The following ARHGAP42 variants were observed in gnomAD, a reference collection of about 807,000 sequenced individuals.
ARHGAP42 encodes Rho GTPase activating protein 42.
In ARHGAP42, 63 loss-of-function variants were observed where a neutral mutation model predicts 125.0. That is an observed-to-expected ratio of 0.50 (90% confidence interval 0.41 to 0.62). The LOEUF is 0.62. Ranked by LOEUF, ARHGAP42 falls within the 20% of genes least tolerant of loss-of-function variation. ARHGAP42 has a pLI of 0.00. For missense variants in ARHGAP42, 766 were observed against 1,024.2 expected, an observed-to-expected ratio of 0.75 and a Z score of 3.44; for synonymous variants, 339 against 351.0, an observed-to-expected ratio of 0.97 and a Z score of 0.38.
intron 1 of ARHGAP42, among the ~76,000 whole-genome samples, chr11:100,700,118 T>G (rs1019331507): frequency 6.6e-6 from 1 of 152,198 alleles, no homozygotes; most frequent in Non-Finnish European, 1.5e-5. Context: ...GTCATGTAAA[T>G]TTTTTGGTTT....
chr11:100,806,837 G>A (rs71476651), intron 3 of ARHGAP42, among the ~76,000 whole-genome samples: 39,064 of 149,124 alleles, frequency 0.26, 5,341 homozygotes, highest in African/African-American at 0.36. Flanking sequence ...TTGTTTGTTT[G>A]TTTATTTATT....
At position 100,989,272 on chromosome 11, in the gene ARHGAP42, A is replaced by T; in HGVS notation, c.*471A>T. 2.5e-6 allele frequency: 1 copy of T among 395,882 alleles called. No homozygotes were observed. The highest frequency in any genetic ancestry group is 4.4e-6 in the Non-Finnish European group (1 of 224,856). The allele number at this position is 395,882 out of a possible 1,614,324, so 24.5% of individuals were successfully genotyped here. Reference sequence around the variant, plus strand: ...TTTTTCTTAGAAATATACTGCTTTTATATATGATTGTTTTGCTGGTCCTAA... The same window carrying T: ...TTTTTCTTAGAAATATACTGCTTTTTTATATGATTGTTTTGCTGGTCCTAA... On this transcript the variant is annotated 3_prime_UTR_variant, in exon 24 of 24. Coordinates refer to ENST00000298815, the MANE Select transcript of ARHGAP42 (RefSeq NM_152432.4).
intron 4 of ARHGAP42, among the ~76,000 whole-genome samples, chr11:100,897,342 T>C (rs1316331182): frequency 6.6e-6 from 1 of 152,218 alleles, no homozygotes; most frequent in Non-Finnish European, 1.5e-5. Context: ...TGGTTCCATA[T>C]GAACTTTAAA....
chr11:100,981,513 A>T (rs1345731945), intron 22 of ARHGAP42, among the ~76,000 whole-genome samples: 1 of 152,220 alleles, frequency 6.6e-6, no homozygotes, highest in Non-Finnish European at 1.5e-5. Context: ...AGGCAGTAGG[A>T]AGACTAGCCA....
At chr11:100,932,312 A>G (rs73580117) in intron 6 of ARHGAP42, among the ~76,000 whole-genome samples, 2,335 of 152,306 alleles carry the variant, frequency 0.015, 62 homozygotes, top group African/African-American at 0.052. Flanking sequence ...TGACTTTTCA[A>G]AAATGTTTTC....
intron 3 of ARHGAP42, among the ~76,000 whole-genome samples, chr11:100,832,032 C>T (rs932252614): frequency 9.2e-5 from 14 of 152,328 alleles, no homozygotes; most frequent in Non-Finnish European, 1.8e-4. Flanking sequence ...GGGTCTGTTT[C>T]CCCTTGTGCA....
intron 1 of ARHGAP42, among the ~76,000 whole-genome samples, chr11:100,744,083 G>A (rs1013401523): frequency 2.0e-5 from 3 of 152,138 alleles, no homozygotes; most frequent in Admixed American, 1.3e-4. Context: ...TGATTCTCCT[G>A]CCTCAGCCTC....
At chr11:100,879,083 A>G (rs186502214) in intron 4 of ARHGAP42, among the ~76,000 whole-genome samples, 3 of 152,270 alleles carry the variant, frequency 2.0e-5, no homozygotes, top group African/African-American at 7.2e-5. Context: ...GCCTCAAAAA[A>G]ATATGGTCTG....
chr11:100,931,990 G>A (rs1591303821), intron 6 of ARHGAP42, among the ~76,000 whole-genome samples: 2 of 152,128 alleles, frequency 1.3e-5, no homozygotes, highest in African/African-American at 4.8e-5. Context: ...ATAATATCAG[G>A]ACTGTTTGAA....
At chr11:100,702,892 C>T (rs922857239) in intron 1 of ARHGAP42, among the ~76,000 whole-genome samples, 6 of 151,954 alleles carry the variant, frequency 3.9e-5, no homozygotes, top group African/African-American at 1.5e-4. Flanking sequence ...GAACTCCTGA[C>T]CTCAGGTGAT....
chr11:100,727,857 G>A (rs778118847), intron 1 of ARHGAP42, among the ~76,000 whole-genome samples: 4 of 152,152 alleles, frequency 2.6e-5, no homozygotes, highest in Non-Finnish European at 4.4e-5. Context: ...ATGGTTTGTG[G>A]GAACCTCTGA....
intron 13 of ARHGAP42, 54 bp from the exon 14 acceptor site, chr11:100,960,861 G>C: frequency 8.2e-7 from 1 of 1,222,418 alleles, no homozygotes; most frequent in Non-Finnish European, 1.1e-6. Context: ...TTAACATTCT[G>C]TACTTGCCAA....
Position 100,961,759 on chromosome 11 carries a change from A to G in ARHGAP42, c.1376A>G (p.Asn459Ser). The G allele has an allele frequency of 6.4e-7, 1 of 1,551,572 alleles. No individual in the cohort carries two copies. Among genetic ancestry groups the G allele is most frequent in the Non-Finnish European group, 8.7e-7 (1 of 1,146,732 alleles). ...AAGACGATAACAAGTGGGCTGAAAA[A>G]CTACCTCAGGTGAGGAGGGTTTAAC... ...DNKTITSGLK[N>S]YLRCLAEPLM... Residue 459 changes from asparagine to serine, a missense_variant, in exon 15 of 24, where the codon AAC (asparagine) becomes AGC (serine). Transcript: ENST00000298815.
chr11:100,948,481 C>T lies in ARHGAP42; in HGVS notation c.1068C>T (p.Ala356=), dbSNP rs1179175376. Residue 356 remains alanine, a synonymous_variant, in exon 11 of 24, where the codon GCC becomes GCT. Coordinates refer to ENST00000298815, the MANE Select transcript of ARHGAP42 (RefSeq NM_152432.4). ...GGCATGGGATCATCACGTTACAGGC[C>T]TTCTCAGAAGCTAATAGGAAACTCT... ...VERHGIITLQ[A]FSEANRKLWL... The T allele has an allele frequency of 3.2e-6, 5 of 1,549,582 alleles. No homozygotes were observed. The Admixed American group carries it at 9.8e-5, about 30-fold the overall frequency.
intron 4 of ARHGAP42, among the ~76,000 whole-genome samples, chr11:100,911,252 GC>G (rs1866908738): frequency 6.6e-6 from 1 of 152,068 alleles, no homozygotes; most frequent in Non-Finnish European, 1.5e-5. Context: ...GTCTGTGGTG[GC>G]CACTATTATA....
chr11:100,943,690 G>A (rs1173354570), intron 9 of ARHGAP42, 69 bp from the exon 10 acceptor site: 2 of 1,076,590 alleles, frequency 1.9e-6, no homozygotes, highest in Admixed American at 2.2e-5. Flanking sequence ...GGCAACTTGA[G>A]CTCACATATT....
chr11:100,715,986 G>T (rs749498996), intron 1 of ARHGAP42, among the ~76,000 whole-genome samples: 8 of 152,210 alleles, frequency 5.3e-5, no homozygotes, highest in Non-Finnish European at 1.0e-4. Flanking sequence ...TAGGAAGACA[G>T]TCTGGCAGTA....
At chr11:100,843,896 G>A (rs1341105724) in intron 3 of ARHGAP42, among the ~76,000 whole-genome samples, 1 of 151,994 alleles carries the variant, frequency 6.6e-6, no homozygotes, top group Non-Finnish European at 1.5e-5. Flanking sequence ...CAAATTCAGT[G>A]CAATTCCCAT....
chr11:100,764,028 T>TTC (rs1298795606), intron 1 of ARHGAP42, among the ~76,000 whole-genome samples: 4 of 142,076 alleles, frequency 2.8e-5, no homozygotes, highest in East Asian at 2.0e-4. Context: ...TCTTCTTCTT[T>TTC]TTTTTTTTTT....
Sources: allele counts gnomAD v4.1 joint callset (sites outside exome capture counted in the v4.1 genomes callset), GRCh38; gene constraint gnomAD v4.1.1; transcripts MANE v1.5; gene names NCBI Gene and HGNC (gene_info 2026-07-23, HGNC 2026-07-21).